SLCO4C1: variants seen among roughly 807,000 people sequenced by gnomAD.
The protein encoded by SLCO4C1 is solute carrier organic anion transporter family member 4C1.
Under a neutral mutation model 72.1 loss-of-function variants are expected in SLCO4C1, and 58 were observed. The observed-to-expected ratio is 0.80, with a 90% CI of 0.65 to 1.00. The LOEUF is 1.00. Ranked by LOEUF, SLCO4C1 falls within the 50% of genes least tolerant of loss-of-function variation. SLCO4C1 has a pLI of 0.00. For missense variants in SLCO4C1, 898 were observed against 857.9 expected, an observed-to-expected ratio of 1.05 and a Z score of -0.58; for synonymous variants, 297 against 312.5, an observed-to-expected ratio of 0.95 and a Z score of 0.52.
At chr5:102,267,465 G>A (rs1460061474) in intron 3 of SLCO4C1, among the ~76,000 whole-genome samples, 7 of 151,678 alleles carry the variant, frequency 4.6e-5, no homozygotes, top group Non-Finnish European at 1.0e-4. Context: ...CAGCTGTGAT[G>A]CCTTCTATTT....
At chr5:102,250,537 G>T (rs1748719380) in intron 8 of SLCO4C1, among the ~76,000 whole-genome samples, 1 of 152,196 alleles carries the variant, frequency 6.6e-6, no homozygotes, top group East Asian at 1.9e-4. Flanking sequence ...TCACAGTTTA[G>T]AAGTAGAGAG....
chr5:102,238,499 A>G (rs1561363564), intron 12 of SLCO4C1, among the ~76,000 whole-genome samples: 1 of 152,068 alleles, frequency 6.6e-6, no homozygotes, highest in South Asian at 2.1e-4. Flanking sequence ...CAGAAAGCAT[A>G]CTCTGGATTT....
At chr5:102,273,127 C>T (rs1749184356) in intron 2 of SLCO4C1, among the ~76,000 whole-genome samples, 1 of 151,762 alleles carries the variant, frequency 6.6e-6, no homozygotes, top group South Asian at 2.1e-4. Context: ...AGAATTATGA[C>T]AGAGAGAATA....
At chr5:102,264,352 A>T (rs1748996377) in intron 3 of SLCO4C1, among the ~76,000 whole-genome samples, 1 of 152,126 alleles carries the variant, frequency 6.6e-6, no homozygotes, top group African/African-American at 2.4e-5. Flanking sequence ...ATGTTGCCAT[A>T]TATAACTCTG....
chr5:102,242,609 C>T (rs1373415824), intron 10 of SLCO4C1, among the ~76,000 whole-genome samples: 1 of 152,146 alleles, frequency 6.6e-6, no homozygotes, highest in African/African-American at 2.4e-5. Context: ...CAGAAGGGTG[C>T]TTGCTGCCTT....
rs531228565 is a variant in SLCO4C1, at chr5:102,234,162, A to G, written c.*2696T>C. The G allele has an allele frequency of 9.2e-5, 14 of 152,660 alleles. No homozygotes were observed. The highest frequency in any genetic ancestry group is 2.9e-4 in the African/African-American group (12 of 41,590). 9.5% of individuals were successfully genotyped at this position (152,660 alleles called of 1,614,324 possible). A position where few individuals can be genotyped will look rare whatever the true frequency, so the allele number is the denominator to read the frequency against. ...AAGTTTTACATTTGTATTTTCTACA[A>G]TTAAGTAAATCTAAATGTTAAATTT... On this transcript the variant is annotated 3_prime_UTR_variant, in exon 13 of 13. Coordinates refer to ENST00000310954, the MANE Select transcript of SLCO4C1 (RefSeq NM_180991.5).
chr5:102,285,281 T>TA (rs1375348017), intron 2 of SLCO4C1, among the ~76,000 whole-genome samples: 122 of 151,408 alleles, frequency 8.1e-4, no homozygotes, highest in Admixed American at 1.8e-3. Flanking sequence ...ACATATATAT[T>TA]TTTTTTTGTT....
intron 4 of SLCO4C1, among the ~76,000 whole-genome samples, chr5:102,263,107 G>A (rs1050611102): frequency 1.3e-5 from 2 of 152,128 alleles, no homozygotes; most frequent in South Asian, 2.1e-4. Context: ...CAACCTGTGC[G>A]TATCAACTAC....
chr5:102,264,050 A>T (rs1580253249), intron 3 of SLCO4C1, among the ~76,000 whole-genome samples: 1 of 152,256 alleles, frequency 6.6e-6, no homozygotes. Context: ...CTGGCAGTAG[A>T]GGTAGTATAT....
chr5:102,294,216 T>C (rs1241136399), intron 1 of SLCO4C1, among the ~76,000 whole-genome samples: 1 of 152,160 alleles, frequency 6.6e-6, no homozygotes, highest in Non-Finnish European at 1.5e-5. Flanking sequence ...GCCATAATTT[T>C]TTGTATTTTT....
At chr5:102,254,471 C>G (rs1748797419) in intron 8 of SLCO4C1, among the ~76,000 whole-genome samples, 1 of 152,074 alleles carries the variant, frequency 6.6e-6, no homozygotes, top group Non-Finnish European at 1.5e-5. Context: ...TGTTTCAGGA[C>G]ACCATGAACC....
chr5:102,247,808 C>A (rs1748662352), intron 9 of SLCO4C1, among the ~76,000 whole-genome samples: 1 of 152,006 alleles, frequency 6.6e-6, no homozygotes, highest in Admixed American at 6.6e-5. Flanking sequence ...CCTTCCATAT[C>A]CTTTATCCTT....
At chr5:102,266,502 T>C (rs1426122805) in intron 3 of SLCO4C1, among the ~76,000 whole-genome samples, 1 of 151,958 alleles carries the variant, frequency 6.6e-6, no homozygotes, top group South Asian at 2.1e-4. Context: ...ATACAAAAAT[T>C]AGCCAGGTGT....
chr5:102,275,729 C>T (rs1163758264), intron 2 of SLCO4C1, among the ~76,000 whole-genome samples: 2 of 152,154 alleles, frequency 1.3e-5, no homozygotes, highest in South Asian at 2.1e-4. Flanking sequence ...TCTTGGTTCT[C>T]GAATAACAAG....
intron 11 of SLCO4C1, 78 bp from the exon 12 acceptor site, chr5:102,239,466 C>T (rs145197480): frequency 0.011 from 11,412 of 1,014,324 alleles, 66 homozygotes; most frequent in Non-Finnish European, 0.013. Context: ...CATGATCATA[C>T]ATATATTTTA....
chr5:102,241,079 C>A (rs139168332), intron 10 of SLCO4C1, among the ~76,000 whole-genome samples: 121 of 151,984 alleles, frequency 8.0e-4, no homozygotes, highest in Non-Finnish European at 1.6e-3. Context: ...CCATAAAAGT[C>A]ATCAATAAAT....
At position 102,236,581 on chromosome 5, in the gene SLCO4C1, CGTGTGT is replaced by C. The variant is rs35918245; in HGVS notation, c.*271_*276del. On this transcript the variant is annotated 3_prime_UTR_variant, in exon 13 of 13. Transcript: ENST00000310954. ...AATAGGAAATAAGTGTGTATGTGTG[CGTGTGT>C]GTGTGTGTGTGTGTGTTCGTGTGTG... 4.6e-4 allele frequency: 121 copies of C among 261,924 alleles called. No homozygotes were observed. The highest frequency in any genetic ancestry group is 2.4e-3 in the Middle Eastern group (2 of 844). The allele number at this position is 261,924 out of a possible 1,614,324, so 16.2% of individuals were successfully genotyped here. A position where few individuals can be genotyped will look rare whatever the true frequency, so the allele number is the denominator to read the frequency against.
chr5:102,280,877 T>C (rs899936113), intron 2 of SLCO4C1, among the ~76,000 whole-genome samples: 3 of 152,056 alleles, frequency 2.0e-5, no homozygotes, highest in African/African-American at 7.2e-5. Context: ...TGAGATGAGA[T>C]TTGAGTGGGG....
At chr5:102,270,250 G>C (rs1034074275) in intron 3 of SLCO4C1, among the ~76,000 whole-genome samples, 3 of 152,018 alleles carry the variant, frequency 2.0e-5, no homozygotes, top group Admixed American at 6.6e-5. Context: ...AGTCAATATA[G>C]GATGTCATAA....
Sources: gnomAD v4.1 joint callset for allele counts (sites outside exome capture counted in the v4.1 genomes callset) on GRCh38, gnomAD v4.1.1 for gene constraint, MANE v1.5 for transcripts, NCBI Gene and HGNC (gene_info 2026-07-23, HGNC 2026-07-21) for gene names.